Variants in ADAM2 observed in about 807,000 individuals in gnomAD.
ADAM2 encodes disintegrin and metalloproteinase domain-containing protein 2.
In ADAM2, 101 loss-of-function variants were observed where a neutral mutation model predicts 99.3. The ratio of observed to expected loss-of-function variants is 1.02; its 90% CI spans 0.87 to 1.20. ADAM2 has a LOEUF of 1.20. Ranked by LOEUF, ADAM2 falls within the 50% of genes most tolerant of loss-of-function variation. The pLI is 0.00. For synonymous variants in ADAM2, 323 were observed against 287.6 expected (o/e 1.12, Z -1.25); for missense variants, 948 against 878.7 (o/e 1.08, Z -1.00).
intron 11 of ADAM2, among the ~76,000 whole-genome samples, chr8:39,769,848 G>A (rs567800063): frequency 3.9e-4 from 60 of 152,104 alleles, no homozygotes; most frequent in African/African-American, 1.4e-3. Flanking sequence ...TTTCCAAAGT[G>A]CCCCATGCTG....
chr8:39,833,019 T>A, intron 3 of ADAM2, among the ~76,000 whole-genome samples: 1 of 152,178 alleles, frequency 6.6e-6, no homozygotes, highest in Non-Finnish European at 1.5e-5. Context: ...TAAACATTTA[T>A]AAATACTGTA....
At chr8:39,789,514 T>G (rs1219366511) in intron 7 of ADAM2, among the ~76,000 whole-genome samples, 3 of 151,670 alleles carry the variant, frequency 2.0e-5, no homozygotes, top group Non-Finnish European at 4.4e-5. Flanking sequence ...AAGAACAAAG[T>G]TGGAGGATTC....
intron 10 of ADAM2, among the ~76,000 whole-genome samples, chr8:39,786,231 G>A (rs781020498): frequency 5.3e-5 from 8 of 152,120 alleles, no homozygotes; most frequent in Non-Finnish European, 7.4e-5. Context: ...AATCATATCC[G>A]AAACCTTAGC....
rs1350569921 is a variant in ADAM2, at chr8:39,789,830, A to G, written c.571-1090T>C. On this transcript the variant is annotated intron_variant, in intron 7 of 20. Coordinates refer to ENST00000265708, the MANE Select transcript of ADAM2 (RefSeq NM_001464.5). Reference sequence around the variant, plus strand: ...CTAGTATATAGAATATATAAAGAACATTTACAACTAACAACAAAAAGGCAA... The same window carrying G: ...CTAGTATATAGAATATATAAAGAACGTTTACAACTAACAACAAAAAGGCAA... Among the ~76,000 whole-genome samples, 3 of 151,866 alleles carry G rather than the reference A, an allele frequency of 2.0e-5. No individual in the cohort carries two copies. In the East Asian group the frequency reaches 5.8e-4, roughly 29 times the overall value.
intron 6 of ADAM2, among the ~76,000 whole-genome samples, chr8:39,815,466 G>A (rs1804903885): frequency 6.6e-6 from 1 of 152,106 alleles, no homozygotes; most frequent in Non-Finnish European, 1.5e-5. Flanking sequence ...ATAAAATGAG[G>A]CTAGCAAATA....
chr8:39,753,540 C>T (rs188484180), intron 16 of ADAM2, among the ~76,000 whole-genome samples: 3 of 152,276 alleles, frequency 2.0e-5, no homozygotes, highest in Non-Finnish European at 4.4e-5. Context: ...GTCTCCAAGG[C>T]ATATCAGAGA....
intron 9 of ADAM2, 28 bp from the exon 10 acceptor site, chr8:39,787,083 T>C (rs1803495999): frequency 7.2e-7 from 1 of 1,392,512 alleles, no homozygotes. Flanking sequence ...ATCATAATCA[T>C]ATAATTTTGT....
intron 7 of ADAM2, among the ~76,000 whole-genome samples, chr8:39,789,657 T>G (rs992976296): frequency 6.6e-6 from 1 of 151,732 alleles, no homozygotes; most frequent in Non-Finnish European, 1.5e-5. Context: ...TCAATTAATA[T>G]TTGAAGAAGA....
In ADAM2 at chr8:39,755,793, C is replaced by A. The variant is rs1235647654; in HGVS notation, c.1732G>T (p.Ala578Ser). ...SGHLCIAVEF[A>S]SDHADSQKMW... Reference sequence around the variant, plus strand: ...TTTTGGCTGTCTGCATGATCACTGGCAAATTCCACAGCAATGCAGAGATGT... The same window carrying A: ...TTTTGGCTGTCTGCATGATCACTGGAAAATTCCACAGCAATGCAGAGATGT... The change falls in exon 16 of 21, where the codon GCC (alanine) becomes TCC (serine). Residue 578 changes from alanine (A) to serine (S), a missense_variant. By Grantham distance (99) the Ala-to-Ser change is moderately conservative. Transcript: ENST00000265708. 1 of 1,612,722 alleles carries A rather than the reference C, an allele frequency of 6.2e-7. No homozygotes were observed.
chr8:39,794,807 G>C (rs974960189), intron 7 of ADAM2, among the ~76,000 whole-genome samples: 2 of 152,162 alleles, frequency 1.3e-5, no homozygotes, highest in Non-Finnish European at 2.9e-5. Flanking sequence ...TCTTGAGACA[G>C]GAGTCTTGCC....
rs201978 is a variant in ADAM2 at position 39,745,719 on chromosome 8, C to T, written c.2174+753G>A. ...AATTTACATTACTACCAAAAAAAAG[C>T]TAAATTACTTTCCTGGGTTTTCCTA... is the stretch of plus-strand genomic sequence containing the variant. On this transcript the variant is annotated intron_variant, in intron 19 of 20. Transcript: ENST00000265708. Among the ~76,000 whole-genome samples, 417 of 151,990 alleles carry T rather than the reference C, an allele frequency of 2.7e-3. 1 individual carries two copies. The highest frequency in any genetic ancestry group is 5.2e-3 in the Non-Finnish European group (351 of 67,952).
At chr8:39,799,487 G>A (rs1327712274) in intron 7 of ADAM2, among the ~76,000 whole-genome samples, 2 of 152,166 alleles carry the variant, frequency 1.3e-5, no homozygotes, top group Non-Finnish European at 2.9e-5. Context: ...GTTCCATGTG[G>A]CACTGCAAAG....
chr8:39,794,452 C>T (rs2122990), intron 7 of ADAM2, among the ~76,000 whole-genome samples: 21,100 of 151,992 alleles, frequency 0.14, 2,147 homozygotes, highest in East Asian at 0.41. Flanking sequence ...GAGACCACCC[C>T]TCATATAGTC....
chr8:39,831,639 T>C lies in ADAM2; in HGVS notation c.188+2305A>G, dbSNP rs114445333. On this transcript the variant is annotated intron_variant, in intron 3 of 20. Transcript: ENST00000265708. ...AAAAGATTTACAAAGCACAAATGTG[T>C]CACTTTGTACAGAAATCCTAACCAT... is the stretch of plus-strand genomic sequence containing the variant. 4.6e-3 allele frequency among the ~76,000 whole-genome samples: 708 copies of C among 152,268 alleles called. 10 individuals are homozygous for C. Among genetic ancestry groups the C allele is most frequent in the African/African-American group, 0.016 (670 of 41,556 alleles).
chr8:39,822,875 T>G (rs919884247), intron 4 of ADAM2, among the ~76,000 whole-genome samples: 4 of 152,136 alleles, frequency 2.6e-5, no homozygotes, highest in African/African-American at 9.7e-5. Context: ...TTCCAGTGAT[T>G]CTCCTGCCTC....
chr8:39,801,979 G>A (rs1049821371), intron 7 of ADAM2, among the ~76,000 whole-genome samples: 4 of 152,070 alleles, frequency 2.6e-5, no homozygotes, highest in African/African-American at 9.7e-5. Flanking sequence ...CTCCCCCAAG[G>A]AGCTCAAATG....
intron 12 of ADAM2, among the ~76,000 whole-genome samples, chr8:39,767,558 A>G (rs923683659): frequency 3.3e-5 from 5 of 152,210 alleles, no homozygotes; most frequent in Non-Finnish European, 7.3e-5. Context: ...GTAGACAGAG[A>G]TAGTTAAATA....
At chr8:39,807,138 T>C (rs1209405038) in intron 7 of ADAM2, among the ~76,000 whole-genome samples, 2 of 152,206 alleles carry the variant, frequency 1.3e-5, no homozygotes, top group Non-Finnish European at 2.9e-5. Flanking sequence ...AAAAGGGGCA[T>C]CAAGCCAAAC....
At position 39,746,624 on chromosome 8, in the gene ADAM2, G is replaced by A; in HGVS notation, c.2022C>T (p.Arg674=). ...VAIPARLPER[R]YIENIYHSKP... ...TGGAATGGTAAATGTTCTCAATGTAGCGCCTTTCTAGAAGAAAAAAAAATC... is the reference window on the plus strand; with the variant it reads ...TGGAATGGTAAATGTTCTCAATGTAACGCCTTTCTAGAAGAAAAAAAAATC... Residue 674 remains arginine (R), a synonymous_variant, in exon 19 of 21, where the codon CGC becomes CGT. Transcript: ENST00000265708. 1.3e-6 allele frequency: 2 copies of A among 1,578,902 alleles called. No individual in the cohort carries two copies. The highest frequency in any genetic ancestry group is 8.6e-7 in the Non-Finnish European group (1 of 1,169,170).
Sources: gnomAD v4.1 joint callset for allele counts (sites outside exome capture counted in the v4.1 genomes callset) on GRCh38, gnomAD v4.1.1 for gene constraint, MANE v1.5 for transcripts, NCBI Gene and HGNC (gene_info 2026-07-23, HGNC 2026-07-21) for gene names.